Variants in SCHIP1 observed in about 807,000 individuals in gnomAD.
SCHIP1 encodes schwannomin interacting protein 1.
A neutral mutation model predicts 29.7 loss-of-function variants in SCHIP1; 8 were observed. The ratio of observed to expected loss-of-function variants is 0.27; its 90% CI spans 0.16 to 0.49. The LOEUF is 0.49. SCHIP1 is among the 20% of genes least tolerant of loss of function. The probability of loss-of-function intolerance (pLI) is 0.99; values close to 1 mark genes in which losing one functional copy is unlikely to be tolerated. For synonymous variants in SCHIP1, 76 were observed against 94.9 expected (o/e 0.80, Z 1.16); for missense variants, 193 against 294.6 (o/e 0.66, Z 2.52).
At chr3:159,477,924 T>TC in the SCHIP1 span, among the ~76,000 whole-genome samples, 21,290 of 142,312 alleles carry the variant, frequency 0.15, 1,845 homozygotes, top group South Asian at 0.32. Flanking sequence ...TTAAATCTTT[T>TC]TTTTTTTTTT....
the SCHIP1 span, chr3:159,721,894 C>T: frequency 2.3e-6 from 1 of 433,710 alleles, no homozygotes; most frequent in Admixed American, 2.6e-5. Context: ...GAAAGCATCT[C>T]CTCTGTCTTC....
chr3:159,406,792 CTTGT>C, the SCHIP1 span, among the ~76,000 whole-genome samples: 3 of 152,210 alleles, frequency 2.0e-5, no homozygotes, highest in Admixed American at 6.5e-5. Flanking sequence ...ACTTTGCTTG[CTTGT>C]TTGTTTACGC....
the SCHIP1 span, among the ~76,000 whole-genome samples, chr3:159,390,700 C>T: frequency 4.5e-4 from 68 of 152,126 alleles, no homozygotes; most frequent in Non-Finnish European, 7.5e-4. Flanking sequence ...TATTAAATTT[C>T]AACAAAACAG....
At chr3:159,732,432 C>T in the SCHIP1 span, among the ~76,000 whole-genome samples, 1 of 152,220 alleles carries the variant, frequency 6.6e-6, no homozygotes, top group Non-Finnish European at 1.5e-5. Context: ...CCCAAACCTT[C>T]TCTCCGCAAT....
At chr3:159,828,388 C>CATATATATATGTAT in the SCHIP1 span, among the ~76,000 whole-genome samples, 2 of 65,328 alleles carry the variant, frequency 3.1e-5, no homozygotes, top group African/African-American at 9.1e-5. Context: ...TATATATATA[C>CATATATATATGTAT]ATATATACGT....
the SCHIP1 span, among the ~76,000 whole-genome samples, chr3:159,384,013 G>A: frequency 6.6e-6 from 1 of 151,402 alleles, no homozygotes; most frequent in African/African-American, 2.4e-5. Context: ...TTTGGGCTGA[G>A]ACAATGGGGT....
chr3:159,590,319 C>T, the SCHIP1 span, among the ~76,000 whole-genome samples: 23 of 152,226 alleles, frequency 1.5e-4, no homozygotes, highest in Non-Finnish European at 3.1e-4. Context: ...AAAGCAGTCA[C>T]AGTCCCAGCA....
the SCHIP1 span, among the ~76,000 whole-genome samples, chr3:159,685,499 A>G: frequency 6.7e-4 from 102 of 152,174 alleles, 2 homozygotes; most frequent in East Asian, 0.014. Context: ...ATTATTTACA[A>G]CTCTTTAATT....
At chr3:159,342,430 C>G in the SCHIP1 span, among the ~76,000 whole-genome samples, 1 of 152,200 alleles carries the variant, frequency 6.6e-6, no homozygotes, top group African/African-American at 2.4e-5. Flanking sequence ...TTTACTAAGT[C>G]AGCAGTGTGA....
chr3:159,428,634 G>A, the SCHIP1 span, among the ~76,000 whole-genome samples: 1 of 150,286 alleles, frequency 6.7e-6, no homozygotes, highest in Non-Finnish European at 1.5e-5. Context: ...GGAAGTCAGT[G>A]TGGCGATTCC....
the SCHIP1 span, among the ~76,000 whole-genome samples, chr3:159,285,110 G>A: frequency 6.6e-6 from 1 of 152,014 alleles, no homozygotes; most frequent in Non-Finnish European, 1.5e-5. Flanking sequence ...ATCAAAGATG[G>A]CCTTTACAAT....
the SCHIP1 span, among the ~76,000 whole-genome samples, chr3:159,514,181 C>A: frequency 6.6e-6 from 1 of 152,088 alleles, no homozygotes; most frequent in Non-Finnish European, 1.5e-5. Flanking sequence ...AATGGAAAAC[C>A]ACCACCGTCA....
chr3:159,376,709 C>T, the SCHIP1 span, among the ~76,000 whole-genome samples: 2 of 152,132 alleles, frequency 1.3e-5, no homozygotes, highest in Non-Finnish European at 2.9e-5. Context: ...CTTCTTTTTA[C>T]CTCTCAGGCC....
At chr3:159,532,861 T>TTG in the SCHIP1 span, among the ~76,000 whole-genome samples, 1 of 152,108 alleles carries the variant, frequency 6.6e-6, no homozygotes, top group East Asian at 1.9e-4. Flanking sequence ...TGAAGCAGAG[T>TTG]TGTGTATTGA....
At chr3:159,466,941 C>G in the SCHIP1 span, among the ~76,000 whole-genome samples, 1 of 151,566 alleles carries the variant, frequency 6.6e-6, no homozygotes. Flanking sequence ...TGTTTTAGTC[C>G]CCCCAAATGA....
chr3:159,384,621 C>A, the SCHIP1 span, among the ~76,000 whole-genome samples: 1 of 151,942 alleles, frequency 6.6e-6, no homozygotes, highest in Non-Finnish European at 1.5e-5. Context: ...ATGCTGCCCT[C>A]ATAAAATGAG....
the SCHIP1 span, among the ~76,000 whole-genome samples, chr3:159,311,964 G>A: frequency 1.3e-5 from 2 of 152,138 alleles, no homozygotes; most frequent in African/African-American, 4.8e-5. Flanking sequence ...CCCAGGAAAG[G>A]TGGAAGATAT....
At chr3:159,492,266 G>A in the SCHIP1 span, among the ~76,000 whole-genome samples, 1 of 152,210 alleles carries the variant, frequency 6.6e-6, no homozygotes, top group Non-Finnish European at 1.5e-5. Flanking sequence ...ACTTTGACGA[G>A]TTGAGAGAAG....
chr3:159,335,472 C>G, the SCHIP1 span, among the ~76,000 whole-genome samples: 5 of 152,070 alleles, frequency 3.3e-5, no homozygotes, highest in East Asian at 7.7e-4. Flanking sequence ...AGGTATACCT[C>G]CTAATGCTAT....
Sources: gnomAD v4.1 joint callset for allele counts (sites outside exome capture counted in the v4.1 genomes callset) on GRCh38, gnomAD v4.1.1 for gene constraint, MANE v1.5 for transcripts, NCBI Gene and HGNC (gene_info 2026-07-23, HGNC 2026-07-21) for gene names.